Variants in RAB3GAP1 observed in about 807,000 individuals in gnomAD.
RAB3GAP1 encodes rab3 GTPase-activating protein catalytic subunit.
RAB3GAP1 carries 86 observed loss-of-function variants against 130.7 expected under a neutral mutation model. The ratio of observed to expected loss-of-function variants is 0.66; its 90% CI spans 0.55 to 0.79. The LOEUF (loss-of-function observed/expected upper bound fraction) is 0.79, where lower values mean the gene tolerates loss of function less well. Ranked by LOEUF, RAB3GAP1 falls within the 30% of genes least tolerant of loss-of-function variation. The pLI is 0.00. For missense variants in RAB3GAP1, 1,029 were observed against 1,169.4 expected (o/e 0.88, Z 1.75); for synonymous variants, 367 against 401.7 (o/e 0.91, Z 1.03).
intron 17 of RAB3GAP1, 68 bp downstream of exon 17, chr2:135,136,000 A>C: frequency 6.3e-7 from 1 of 1,578,532 alleles, no homozygotes; most frequent in South Asian, 1.1e-5. Context: ...CTAGTAGAAG[A>C]TAGTGCTTTG....
intron 3 of RAB3GAP1, among the ~76,000 whole-genome samples, chr2:135,073,410 G>A (rs957881322): frequency 6.6e-6 from 1 of 152,214 alleles, no homozygotes; most frequent in African/African-American, 2.4e-5. Flanking sequence ...TGGAAGCCAG[G>A]TAGAGCAGAG....
chr2:135,128,278 T>G (rs1288714798), intron 11 of RAB3GAP1, among the ~76,000 whole-genome samples: 2 of 152,204 alleles, frequency 1.3e-5, no homozygotes, highest in Non-Finnish European at 2.9e-5. Flanking sequence ...TGGACAGACC[T>G]CAGTTCAAAT....
Position 135,130,606 on chromosome 2 carries a change from C to T in RAB3GAP1, c.1121C>T (p.Pro374Leu). Residue 374 changes from proline (P) to leucine (L), a missense_variant, in exon 13 of 24, where the codon CCA (proline) becomes CTA (leucine). Coordinates refer to ENST00000264158, the MANE Select transcript of RAB3GAP1 (RefSeq NM_012233.3). ...LSKLTEPASV[P>L]IHKLSVSNMV... Reference sequence around the variant, plus strand: ...AAATTGACAGAGCCGGCATCAGTTCCAATTCATAAATTATCAGTTTCAAAT... The same window carrying T: ...AAATTGACAGAGCCGGCATCAGTTCTAATTCATAAATTATCAGTTTCAAAT... 6.2e-7 allele frequency: 1 copy of T among 1,613,728 alleles called. No homozygotes were observed. Among genetic ancestry groups the T allele is most frequent in the Non-Finnish European group, 8.5e-7 (1 of 1,179,784 alleles).
In RAB3GAP1 at chr2:135,098,816, A is replaced by T. The variant is rs181337187; in HGVS notation, c.362+5123A>T. Among the ~76,000 whole-genome samples the T allele has an allele frequency of 7.2e-5, 11 of 152,210 alleles. 1 individual carries two copies. The highest frequency in any genetic ancestry group is 2.6e-4 in the Admixed American group (4 of 15,282). ...CTATTGTAATGATATTATTTAAAAA[A>T]TTTTTCATTTCCAGTTGTTCGTTTC... On this transcript the variant is annotated intron_variant, in intron 5 of 23. Transcript: ENST00000264158.
Position 135,169,886 on chromosome 2 carries a change from C to T in RAB3GAP1, c.*1105C>T, listed in dbSNP as rs1402949164. The T allele has an allele frequency of 2.6e-6, 1 of 385,908 alleles. No individual in the cohort carries two copies. Among genetic ancestry groups the T allele is most frequent in the Admixed American group, 3.0e-5 (1 of 32,862 alleles). 23.9% of individuals were successfully genotyped at this position (385,908 alleles called of 1,614,324 possible). A position where few individuals can be genotyped will look rare whatever the true frequency, so the allele number is the denominator to read the frequency against. The stretch of plus-strand genomic sequence containing the variant: ...TTAGGCCTAAAATTCCCACTTAAAT[C>T]CAAAGTAAAAATGGTTATACTGAAG... On this transcript the variant is annotated 3_prime_UTR_variant, in exon 24 of 24. Coordinates refer to ENST00000264158, the MANE Select transcript of RAB3GAP1 (RefSeq NM_012233.3).
At chr2:135,150,034 A>G (rs556793548) in intron 17 of RAB3GAP1, among the ~76,000 whole-genome samples, 17 of 152,272 alleles carry the variant, frequency 1.1e-4, no homozygotes, top group Non-Finnish European at 2.1e-4. Flanking sequence ...GTGATGACAT[A>G]TATAATAATA....
intron 19 of RAB3GAP1, among the ~76,000 whole-genome samples, chr2:135,161,820 G>T (rs1437798094): frequency 6.6e-6 from 1 of 152,068 alleles, no homozygotes; most frequent in African/African-American, 2.4e-5. Flanking sequence ...AGTTTGAGAG[G>T]ATAAACACGA....
chr2:135,128,543 CATT>C (rs1691420847), intron 11 of RAB3GAP1, among the ~76,000 whole-genome samples: 1 of 152,144 alleles, frequency 6.6e-6, no homozygotes, highest in African/African-American at 2.4e-5. Context: ...TTCTTAGTAA[CATT>C]ATTATTCCTC....
chr2:135,060,314 C>T (rs982468441), intron 3 of RAB3GAP1, among the ~76,000 whole-genome samples: 2 of 139,228 alleles, frequency 1.4e-5, no homozygotes, highest in Non-Finnish European at 3.0e-5. Flanking sequence ...GGCTGAAGTG[C>T]AGTGACATGA....
At chr2:135,080,101 A>G (rs997342806) in intron 3 of RAB3GAP1, among the ~76,000 whole-genome samples, 22 of 148,630 alleles carry the variant, frequency 1.5e-4, no homozygotes, top group African/African-American at 4.3e-4. Flanking sequence ...TGGGCGACAG[A>G]ACGAGACTCC....
In RAB3GAP1 at chr2:135,132,974, G is replaced by A; in HGVS notation, c.1316G>A (p.Ser439Asn). ...STDNNNPPSE[S>N]EDYNLYNQFK... ...GATAATAATAATCCTCCATCAGAGA[G>A]TGAAGACTATGTAAGTTGATGTGGA... The change falls in exon 14 of 24, where the codon AGT (serine) becomes AAT (asparagine). Residue 439 changes from serine (S) to asparagine (N), a missense_variant. Transcript: ENST00000264158. 1 of 1,549,672 alleles carries A rather than the reference G, an allele frequency of 6.5e-7. No homozygotes were observed. Among genetic ancestry groups the A allele is most frequent in the Middle Eastern group, 1.7e-4 (1 of 5,870 alleles).
intron 17 of RAB3GAP1, among the ~76,000 whole-genome samples, chr2:135,147,616 C>T (rs1471270048): frequency 8.4e-6 from 1 of 118,802 alleles, no homozygotes; most frequent in Non-Finnish European, 1.7e-5. Context: ...GTAGTCCCCT[C>T]CCCCCCCCTT....
At chr2:135,146,199 CTTT>C (rs1173567563) in intron 17 of RAB3GAP1, among the ~76,000 whole-genome samples, 4 of 96,590 alleles carry the variant, frequency 4.1e-5, no homozygotes, top group African/African-American at 8.1e-5. Flanking sequence ...CATATTTGTT[CTTT>C]TTTTTTTTTT....
At chr2:135,164,092 TCAGTGTTTC>T (rs1243538536) in intron 22 of RAB3GAP1, among the ~76,000 whole-genome samples, 1 of 152,232 alleles carries the variant, frequency 6.6e-6, no homozygotes, top group African/African-American at 2.4e-5. Flanking sequence ...ACTTGGAAGT[TCAGTGTTTC>T]CAGCATCTAA....
chr2:135,109,241 A>C (rs531291897), intron 5 of RAB3GAP1, among the ~76,000 whole-genome samples: 75 of 152,196 alleles, frequency 4.9e-4, no homozygotes, highest in African/African-American at 1.6e-3. Context: ...TTGAGATTGC[A>C]TTGAATCTGT....
chr2:135,165,943 G>A (rs999391343), intron 23 of RAB3GAP1, among the ~76,000 whole-genome samples: 1 of 152,116 alleles, frequency 6.6e-6, no homozygotes, highest in African/African-American at 2.4e-5. Flanking sequence ...AGGCTGAGGT[G>A]GGTGGATCAC....
rs1553448280 is a variant in RAB3GAP1 at position 135,147,615 on chromosome 2, T to TC, written c.1924-2745dup. The stretch of plus-strand genomic sequence containing the variant: ...CAGATTTTAATTAATAGTAGTCCCC[T>TC]CCCCCCCCCTTTTTTTTTTGACTCG... On this transcript the variant is annotated intron_variant, in intron 17 of 23. Transcript: ENST00000264158. Among the ~76,000 whole-genome samples the TC allele has an allele frequency of 8.9e-3, 1,183 of 132,944 alleles. 37 individuals are homozygous for TC. The East Asian group carries it at 0.092, about 10-fold the overall frequency. 87.2% of individuals were successfully genotyped at this position (132,944 alleles called of 152,430 possible).
chr2:135,086,513 GTCAT>G (rs1040846426), intron 3 of RAB3GAP1, among the ~76,000 whole-genome samples: 1 of 151,914 alleles, frequency 6.6e-6, no homozygotes, highest in African/African-American at 2.4e-5. Context: ...CTGTTTATTG[GTCAT>G]TCATAGCGCT....
chr2:135,080,321 G>C (rs1689758102), intron 3 of RAB3GAP1, among the ~76,000 whole-genome samples: 1 of 152,164 alleles, frequency 6.6e-6, no homozygotes, highest in Non-Finnish European at 1.5e-5. Context: ...TCAAGTATAT[G>C]CAATTGGAGT....
Sources: gnomAD v4.1 joint callset for allele counts (sites outside exome capture counted in the v4.1 genomes callset) on GRCh38, gnomAD v4.1.1 for gene constraint, MANE v1.5 for transcripts, NCBI Gene and HGNC (gene_info 2026-07-23, HGNC 2026-07-21) for gene names.